MDGA1: variants seen among roughly 807,000 people sequenced by gnomAD.
MDGA1 encodes MAM domain containing glycosylphosphatidylinositol anchor 1.
MDGA1 carries 54 observed loss-of-function variants against 101.5 expected under a neutral mutation model. That is an observed-to-expected ratio of 0.53 (90% confidence interval 0.43 to 0.67). The LOEUF is 0.67. MDGA1 is among the 30% of genes least tolerant of loss of function. The pLI, the probability that MDGA1 is intolerant of heterozygous loss-of-function variation, is 0.00. For missense variants in MDGA1, 1,083 were observed against 1,323.8 expected (o/e 0.82, Z 2.82); for synonymous variants, 533 against 558.3 (o/e 0.95, Z 0.64).
At chr6:37,676,273 C>T (rs1410006252) in intron 1 of MDGA1, among the ~76,000 whole-genome samples, 1 of 152,180 alleles carries the variant, frequency 6.6e-6, no homozygotes, top group Middle Eastern at 3.2e-3. Context: ...ATCCAGGCCT[C>T]CAAACCAGAA....
At chr6:37,643,201 C>A (rs759727809) in intron 14 of MDGA1, 1 of 152,294 alleles carries the variant, frequency 6.6e-6, no homozygotes, top group Non-Finnish European at 1.5e-5. Context: ...GGCAGTCACT[C>A]CATATTTGCA....
At position 37,655,723 on chromosome 6, in the gene MDGA1, T is replaced by C. The variant is rs1266852090; in HGVS notation, c.556A>G (p.Ile186Val). 1 of 1,612,144 alleles carries C rather than the reference T, an allele frequency of 6.2e-7. No individual in the cohort carries two copies. Among genetic ancestry groups the C allele is most frequent in the Admixed American group, 1.7e-5 (1 of 59,876 alleles). The change falls in exon 4 of 17, where the codon ATC (isoleucine) becomes GTC (valine). Residue 186 changes from isoleucine (I) to valine (V), a missense_variant. By Grantham distance (29) the Ile-to-Val change is conservative. Around this residue, in one of 3 missense-constraint regions of MDGA1, gnomAD observed 310 missense variants for 355.9 expected, o/e 0.87. Coordinates refer to ENST00000434837, the MANE Select transcript of MDGA1 (RefSeq NM_153487.4). The surrounding 1 kb of genome is among the most constrained non-coding windows in gnomAD (Gnocchi z 5.1). ...ACCTGAGTGTAGAGGGGCTCATAGATGTCAACCCCATTGTCCTGGCTGTGG... is the reference window on the plus strand; with the variant it reads ...ACCTGAGTGTAGAGGGGCTCATAGACGTCAACCCCATTGTCCTGGCTGTGG... ...LSHSQDNGVD[I>V]YEPLYTQGET...
At position 37,696,807 on chromosome 6, in the gene MDGA1, T is replaced by C; in HGVS notation, c.5A>G (p.Glu2Gly). Residue 2 changes from glutamate (E) to glycine (G), a missense_variant, in exon 1 of 17, where the codon GAG becomes GGG. By Grantham distance (98) the Glu-to-Gly change is moderately conservative. This residue lies in a region of MDGA1 where 310 missense variants were observed against 355.9 expected (regional missense o/e 0.87). Coordinates refer to ENST00000434837, the MANE Select transcript of MDGA1 (RefSeq NM_153487.4). The surrounding 1 kb of genome is among the most constrained non-coding windows in gnomAD (Gnocchi z 5.6). ...CGCCAGAAGTAGAAGGCAGGTCACC[T>C]CCATCTTCACGGCCGGTGCTTCATC... is the stretch of plus-strand genomic sequence containing the variant. M[E>G]VTCLLLLALI... The C allele has an allele frequency of 1.9e-6, 3 of 1,573,344 alleles. No homozygotes were observed. The highest frequency in any genetic ancestry group is 2.6e-6 in the Non-Finnish European group (3 of 1,158,860).
At chr6:37,689,480 G>A (rs1344276700) in intron 1 of MDGA1, among the ~76,000 whole-genome samples, 1 of 152,174 alleles carries the variant, frequency 6.6e-6, no homozygotes, top group African/African-American at 2.4e-5. Flanking sequence ...TACGTGCCAG[G>A]CACTGTGCTC....
At chr6:37,650,461 T>C in intron 7 of MDGA1, 56 bp from the exon 8 acceptor site, 6 of 1,428,032 alleles carry the variant, frequency 4.2e-6, no homozygotes, top group Non-Finnish European at 4.6e-6. Flanking sequence ...AGCTCCCCAC[T>C]GGGCTCTGCC....
At chr6:37,656,873 C>G (rs141010563) in intron 3 of MDGA1, among the ~76,000 whole-genome samples, 91 of 152,324 alleles carry the variant, frequency 6.0e-4, no homozygotes, top group Non-Finnish European at 9.7e-4. Context: ...CATTGGTAAA[C>G]TAAGGTAGCT....
rs1761299925 is a variant in MDGA1 at position 37,649,245 on chromosome 6, C to G, written c.1631G>C (p.Ser544Thr). 2.0e-6 allele frequency: 3 copies of G among 1,505,502 alleles called. No homozygotes were observed. Among genetic ancestry groups the G allele is most frequent in the Non-Finnish European group, 2.6e-6 (3 of 1,135,452 alleles). The allele number at this position is 1,505,502 out of a possible 1,614,324, so 93.3% of individuals were successfully genotyped here. A position where few individuals can be genotyped will look rare whatever the true frequency, so the allele number is the denominator to read the frequency against. Reference sequence around the variant, plus strand: ...CAGCGCCTGGCGCACGTCCTGGGAACTGGGCTCCACCTCCGGCGGGACTGG... The same window carrying G: ...CAGCGCCTGGCGCACGTCCTGGGAAGTGGGCTCCACCTCCGGCGGGACTGG... ...NVQFPPEVEP[S>T]SQDVRQALGR... The change falls in exon 9 of 17, where the codon AGT becomes ACT. Residue 544 changes from serine (S) to threonine (T), a missense_variant. Coordinates refer to ENST00000434837, the MANE Select transcript of MDGA1 (RefSeq NM_153487.4).
intron 1 of MDGA1, among the ~76,000 whole-genome samples, chr6:37,668,109 G>A (rs961009058): frequency 6.6e-6 from 1 of 151,970 alleles, no homozygotes; most frequent in African/African-American, 2.4e-5. Context: ...AAATTAGCCA[G>A]GCATGGGGGT....
chr6:37,643,763 T>A, intron 14 of MDGA1, 46 bp downstream of exon 14: 1 of 1,608,356 alleles, frequency 6.2e-7, no homozygotes, highest in Non-Finnish European at 8.5e-7. Context: ...TCCCCTCCCA[T>A]CCTCCAGCAC....
rs748143501 is a variant in MDGA1 at position 37,645,884 on chromosome 6, T to C, written c.2248+49A>G. On this transcript the variant is annotated intron_variant, in intron 12 of 16. Transcript: ENST00000434837. ...CTCCTTTCTCTCACCAGGAGAGCCTTTGTGTCCCTAAAGGGAAGGGGAAGT... is the reference window on the plus strand; with the variant it reads ...CTCCTTTCTCTCACCAGGAGAGCCTCTGTGTCCCTAAAGGGAAGGGGAAGT... 14 of 1,597,934 alleles carry C rather than the reference T, an allele frequency of 8.8e-6. No homozygotes were observed. In the Admixed American group the frequency reaches 1.3e-4, roughly 15 times the overall value.
At chr6:37,666,191 CA>C (rs146449734) in intron 1 of MDGA1, among the ~76,000 whole-genome samples, 4,506 of 122,236 alleles carry the variant, frequency 0.037, 128 homozygotes, top group African/African-American at 0.084. Flanking sequence ...ACTAAAAATA[CA>C]AAAAAAAAAA....
chr6:37,638,166 C>T lies in MDGA1; in HGVS notation c.2776+39G>A. 6.4e-7 allele frequency: 1 copy of T among 1,567,284 alleles called. No homozygotes were observed. Among genetic ancestry groups the T allele is most frequent in the Non-Finnish European group, 8.8e-7 (1 of 1,137,974 alleles). ...AGGAACCCCCGCCACGCACAGCTCC[C>T]TCCAGATTCAGCTCCCCCACCTCCT... On this transcript the variant is annotated intron_variant, in intron 16 of 16. Coordinates refer to ENST00000434837, the MANE Select transcript of MDGA1 (RefSeq NM_153487.4). This position sits in a 1 kb window ranked among gnomAD's most constrained non-coding sequence, Gnocchi z 4.8.
At chr6:37,666,157 T>A (rs1275911484) in intron 1 of MDGA1, among the ~76,000 whole-genome samples, 1 of 143,270 alleles carries the variant, frequency 7.0e-6, no homozygotes, top group Non-Finnish European at 1.5e-5. Context: ...ACCAGCCTGA[T>A]CAACATGCTG....
At chr6:37,659,530 A>G (rs189390867) in intron 2 of MDGA1, among the ~76,000 whole-genome samples, 81 of 152,324 alleles carry the variant, frequency 5.3e-4, no homozygotes, top group Middle Eastern at 6.8e-3. Context: ...GATCAGTTCT[A>G]GATAACTAAG....
At position 37,638,839 on chromosome 6, in the gene MDGA1, A is replaced by C; in HGVS notation, c.2537-172T>G. 1 of 779,196 alleles carries C rather than the reference A, an allele frequency of 1.3e-6. No homozygotes were observed. Among genetic ancestry groups the C allele is most frequent in the South Asian group, 1.9e-5 (1 of 53,124 alleles). 48.3% of individuals were successfully genotyped at this position (779,196 alleles called of 1,614,324 possible). A position where few individuals can be genotyped will look rare whatever the true frequency, so the allele number is the denominator to read the frequency against. The stretch of plus-strand genomic sequence containing the variant: ...GTCCCATTCCTGCAGGGACACCCTC[A>C]GTGTGGGAAAGAGAAGACTTCAGCA... On this transcript the variant is annotated intron_variant, in intron 14 of 16. Coordinates refer to ENST00000434837, the MANE Select transcript of MDGA1 (RefSeq NM_153487.4). The surrounding 1 kb of genome is among the most constrained non-coding windows in gnomAD (Gnocchi z 4.8).
At chr6:37,670,470 G>A (rs1761844642) in intron 1 of MDGA1, among the ~76,000 whole-genome samples, 2 of 152,196 alleles carry the variant, frequency 1.3e-5, no homozygotes, top group Admixed American at 1.3e-4. Flanking sequence ...TGGTACTAGT[G>A]CACTTGGCTG....
At position 37,636,494 on chromosome 6, in the gene MDGA1, T is replaced by G. The variant is rs1020128363; in HGVS notation, c.*874A>C. 2 of 152,192 alleles carry G rather than the reference T, an allele frequency of 1.3e-5. No homozygotes were observed. The highest frequency in any genetic ancestry group is 2.9e-5 in the Non-Finnish European group (2 of 68,052). 9.4% of individuals were successfully genotyped at this position (152,192 alleles called of 1,614,324 possible). ...CTTCTGCCTTTCTCCAAGTCAAGCC[T>G]CACCCCAGAAAATGGGCTGGCCACC... On this transcript the variant is annotated 3_prime_UTR_variant, in exon 17 of 17. Transcript: ENST00000434837.
At position 37,650,391 on chromosome 6, in the gene MDGA1, T is replaced by A; in HGVS notation, c.1327A>T (p.Ser443Cys). 1 of 1,552,142 alleles carries A rather than the reference T, an allele frequency of 6.4e-7. No homozygotes were observed. The highest frequency in any genetic ancestry group is 8.7e-7 in the Non-Finnish European group (1 of 1,146,722). ...ISSETVPPTI[S>C]VPKGRAVVTV... is the part of the protein sequence containing the mutation. ...ACCACGGCCCTACCCTTGGGCACAC[T>A]GATGGTGGGCGGCACTGTGGGGGTG... Residue 443 changes from serine to cysteine, a missense_variant, in exon 8 of 17, where the codon AGT becomes TGT. Coordinates refer to ENST00000434837, the MANE Select transcript of MDGA1 (RefSeq NM_153487.4).
chr6:37,681,778 C>A (rs550540068), intron 1 of MDGA1, among the ~76,000 whole-genome samples: 1 of 152,016 alleles, frequency 6.6e-6, no homozygotes, highest in African/African-American at 2.4e-5. Context: ...TGATCTCCAA[C>A]AGAAGAGGAG....
Sources: gnomAD v4.1 joint callset for allele counts (sites outside exome capture counted in the v4.1 genomes callset) on GRCh38, gnomAD v4.1.1 for gene constraint, gnomAD v4.1.1 regional missense constraint, Gnocchi (gnomAD v3.1) non-coding constraint, MANE v1.5 for transcripts, NCBI Gene and HGNC (gene_info 2026-07-23, HGNC 2026-07-21) for gene names.